The following RAG1 variants were observed in gnomAD, a reference collection of about 807,000 sequenced individuals.
The protein encoded by RAG1 is recombination activating 1.
A neutral mutation model predicts 62.7 loss-of-function variants in RAG1; 35 were observed. That is an observed-to-expected ratio of 0.56 (90% CI 0.43 to 0.74). The LOEUF is 0.74. Among genes scored for constraint, RAG1 ranks in the 30% least tolerant of loss-of-function variants. The probability of loss-of-function intolerance (pLI) is 0.00; values close to 1 mark genes in which losing one functional copy is unlikely to be tolerated. For missense variants in RAG1, 1,169 were observed against 1,278.6 expected, an observed-to-expected ratio of 0.91 and a Z score of 1.31; for synonymous variants, 461 against 470.3, an observed-to-expected ratio of 0.98 and a Z score of 0.26.
chr11:36,528,571 A>T (rs1216666902), intron 2 of RAG1, among the ~76,000 whole-genome samples: 2 of 152,066 alleles, frequency 1.3e-5, no homozygotes, highest in Admixed American at 1.3e-4. Context: ...CCCTAACATA[A>T]TCACAATTAA....
chr11:36,572,816 C>A (rs974599736), intron 1 of RAG1, among the ~76,000 whole-genome samples: 1 of 152,122 alleles, frequency 6.6e-6, no homozygotes, highest in Non-Finnish European at 1.5e-5. Context: ...AACAACCAAC[C>A]CCCTGGAAGA....
chr11:36,549,075 G>GA (rs1368963032), intron 3 of RAG1, among the ~76,000 whole-genome samples: 1 of 152,180 alleles, frequency 6.6e-6, no homozygotes. Flanking sequence ...GCCATATGCA[G>GA]AAAACTGAAA....
rs116356823 is a variant in RAG1, at chr11:36,533,028, A to G, written n.429-2931A>G. Among the ~76,000 whole-genome samples the G allele has an allele frequency of 5.9e-3, 893 of 152,262 alleles. 8 individuals are homozygous for G. The highest frequency in any genetic ancestry group is 0.021 in the African/African-American group (859 of 41,554). On this transcript the variant is annotated intron_variant and non_coding_transcript_variant, in intron 2 of 2. Transcript: ENST00000529126. ...TTTTCTGGGAGGTTGGACCAGCCCA[A>G]TTGTTCCCTTTTTTTCACGTGTAGT... is the stretch of plus-strand genomic sequence containing the variant.
chr11:36,560,137 A>T (rs1166687147), intron 3 of RAG1, among the ~76,000 whole-genome samples: 1 of 152,176 alleles, frequency 6.6e-6, no homozygotes, highest in Admixed American at 6.5e-5. Flanking sequence ...ATCAATATCA[A>T]TGGTGTTTGT....
At chr11:36,517,154 T>C (rs143558398) in intron 1 of RAG1, among the ~76,000 whole-genome samples, 1,949 of 152,320 alleles carry the variant, frequency 0.013, 42 homozygotes, top group African/African-American at 0.044. Flanking sequence ...ATTTGTGATA[T>C]GATTTCCCAA....
chr11:36,557,476 C>G (rs1056764771), intron 3 of RAG1, among the ~76,000 whole-genome samples: 7 of 147,400 alleles, frequency 4.7e-5, no homozygotes, highest in African/African-American at 1.1e-4. Context: ...GGCTCGCGCA[C>G]GGTGCGCGCA....
At chr11:36,558,783 G>A (rs141124156) in intron 3 of RAG1, among the ~76,000 whole-genome samples, 52 of 152,090 alleles carry the variant, frequency 3.4e-4, no homozygotes, top group African/African-American at 1.2e-3. Context: ...ATTATTGATA[G>A]GTGAGGACTT....
downstream of RAG1, among the ~76,000 whole-genome samples, chr11:36,539,521 G>T (rs1382869572): frequency 6.6e-6 from 1 of 152,108 alleles, no homozygotes; most frequent in African/African-American, 2.4e-5. Flanking sequence ...GTCTTGCTCT[G>T]TTGCCCAGGC....
downstream of RAG1, among the ~76,000 whole-genome samples, chr11:36,539,796 A>G (rs1281794094): frequency 6.6e-6 from 1 of 152,208 alleles, no homozygotes; most frequent in Non-Finnish European, 1.5e-5. Flanking sequence ...TATTACTAAT[A>G]TCAAGTACTG....
intron 2 of RAG1, among the ~76,000 whole-genome samples, chr11:36,534,046 A>G (rs990995714): frequency 2.6e-5 from 4 of 151,980 alleles, no homozygotes; most frequent in Admixed American, 1.3e-4. Flanking sequence ...ATTTTGAAAA[A>G]CTCATTGGTT....
At chr11:36,519,359 C>T (rs1484736537) in intron 1 of RAG1, among the ~76,000 whole-genome samples, 1 of 152,154 alleles carries the variant, frequency 6.6e-6, no homozygotes, top group African/African-American at 2.4e-5. Flanking sequence ...CAGTTGGAAA[C>T]TGAAATTCAA....
Position 36,511,558 on chromosome 11 carries a change from T to C in RAG1, n.330+520T>C, listed in dbSNP as rs115954881. ...CTACTTTCTGGCTGCCAATATTCAT[T>C]AAAAATGCTTCTCTTTTTAAGAAGA... On this transcript the variant is annotated intron_variant and non_coding_transcript_variant, in intron 1 of 2. Transcript: ENST00000529126. Among the ~76,000 whole-genome samples the C allele has an allele frequency of 7.0e-3, 1,059 of 152,338 alleles. 10 individuals are homozygous for C. Among genetic ancestry groups the C allele is most frequent in the African/African-American group, 0.024 (1,016 of 41,568 alleles).
Position 36,576,285 on chromosome 11 carries a change from A to G in RAG1, c.2981A>G (p.His994Arg), listed in dbSNP as rs775412266. ...CYEMEDVLKHHWLYTSKYLQK... is the reference protein window; with the variant it reads ...CYEMEDVLKHRWLYTSKYLQK... ...GAGATGGAAGATGTCCTGAAACACC[A>G]CTGGTTGTACACCTCCAAATACCTC... Residue 994 changes from histidine to arginine, a missense_variant, in exon 2 of 2, where the codon CAC (histidine) becomes CGC (arginine). This residue lies in a region of RAG1 where 800 missense variants were observed against 943.3 expected (regional missense o/e 0.85). Transcript: ENST00000299440. The G allele has an allele frequency of 6.2e-6, 10 of 1,613,932 alleles. No individual in the cohort carries two copies. The highest frequency in any genetic ancestry group is 8.5e-6 in the Non-Finnish European group (10 of 1,180,024).
At chr11:36,538,727 T>G (rs537053759), downstream of RAG1, among the ~76,000 whole-genome samples, 1 of 152,338 alleles carries the variant, frequency 6.6e-6, no homozygotes, top group East Asian at 1.9e-4. Flanking sequence ...AATAAATTTT[T>G]ATTCTTGCCT....
intron 1 of RAG1, among the ~76,000 whole-genome samples, chr11:36,518,410 C>T (rs922710399): frequency 7.2e-5 from 11 of 152,192 alleles, no homozygotes; most frequent in Non-Finnish European, 1.3e-4. Context: ...CCTGAGGAAT[C>T]GCCACACTGA....
chr11:36,561,885 C>T (rs1850589874), intron 3 of RAG1, among the ~76,000 whole-genome samples: 1 of 152,178 alleles, frequency 6.6e-6, no homozygotes, highest in African/African-American at 2.4e-5. Flanking sequence ...TTTCTGAAGA[C>T]CCCTGACTAT....
At chr11:36,570,923 T>C (rs554703319) in intron 1 of RAG1, among the ~76,000 whole-genome samples, 5 of 152,340 alleles carry the variant, frequency 3.3e-5, no homozygotes, top group African/African-American at 1.2e-4. Context: ...TGGTTATTAA[T>C]CTCTTGTCAG....
rs1366848121 is a variant in RAG1, at chr11:36,573,222, ATTAT to A, written c.-14-64_-14-61del. ...TAAATAATTGAATGTATTTATTTTT[ATTAT>A]TTATAAGATACATCAGTGGGATATT... On this transcript the variant is annotated intron_variant, in intron 1 of 1. Transcript: ENST00000299440. 5.7e-6 allele frequency: 8 copies of A among 1,411,966 alleles called. No individual in the cohort carries two copies. The East Asian group carries it at 1.9e-4, about 34-fold the overall frequency. 87.5% of individuals were successfully genotyped at this position (1,411,966 alleles called of 1,614,324 possible).
chr11:36,512,917 A>T (rs1859945993), intron 1 of RAG1, among the ~76,000 whole-genome samples: 1 of 152,202 alleles, frequency 6.6e-6, no homozygotes, highest in Non-Finnish European at 1.5e-5. Flanking sequence ...TATAGTTTCA[A>T]TGCGTCCCCT....
Sources: allele counts gnomAD v4.1 joint callset (sites outside exome capture counted in the v4.1 genomes callset), GRCh38; gene constraint gnomAD v4.1.1; regional missense constraint gnomAD v4.1.1; transcripts MANE v1.5; gene names NCBI Gene and HGNC (gene_info 2026-07-23, HGNC 2026-07-21).